ZBTB7C: variants seen among roughly 807,000 people sequenced by gnomAD.
ZBTB7C encodes the protein zinc finger and BTB domain-containing protein 7C.
ZBTB7C carries 8 observed loss-of-function variants against 25.7 expected under a neutral mutation model. The ratio of observed to expected loss-of-function variants is 0.31; its 90% CI spans 0.18 to 0.56. The LOEUF (loss-of-function observed/expected upper bound fraction) is 0.56. ZBTB7C is among the 20% of genes least tolerant of loss of function. The pLI, the probability that ZBTB7C is intolerant of heterozygous loss-of-function variation, is 0.91. For synonymous variants in ZBTB7C, 394 were observed against 369.0 expected, an observed-to-expected ratio of 1.07 and a Z score of -0.78; for missense variants, 824 against 855.2, an observed-to-expected ratio of 0.96 and a Z score of 0.46.
At chr18:48,378,789 A>G (rs1034790856) in intron 1 of ZBTB7C, among the ~76,000 whole-genome samples, 2 of 152,220 alleles carry the variant, frequency 1.3e-5, no homozygotes, top group Non-Finnish European at 2.9e-5. Context: ...GAATAGAAAC[A>G]AAAATTCTTG....
chr18:48,141,920 A>G (rs2040361564), intron 3 of ZBTB7C, among the ~76,000 whole-genome samples: 1 of 152,142 alleles, frequency 6.6e-6, no homozygotes, highest in Non-Finnish European at 1.5e-5. Context: ...TGGCTCTATC[A>G]CTTTCATCCA....
At chr18:48,107,597 G>T (rs13381464) in intron 3 of ZBTB7C, among the ~76,000 whole-genome samples, 25,232 of 152,052 alleles carry the variant, frequency 0.17, 2,351 homozygotes, top group Non-Finnish European at 0.21. Context: ...AGATAAGAAG[G>T]CTTGGATGGA....
chr18:48,139,204 G>A (rs569257105), intron 3 of ZBTB7C, among the ~76,000 whole-genome samples: 18 of 152,212 alleles, frequency 1.2e-4, no homozygotes, highest in African/African-American at 4.1e-4. Context: ...GGAGTCACTG[G>A]GGAAAGCCAG....
chr18:48,227,019 CA>C (rs1187830776), intron 2 of ZBTB7C, among the ~76,000 whole-genome samples: 12,895 of 56,068 alleles, frequency 0.23, 261 homozygotes, highest in African/African-American at 0.29. Flanking sequence ...GACTCCATCT[CA>C]AAAAAAAAAA....
intron 3 of ZBTB7C, among the ~76,000 whole-genome samples, chr18:48,055,008 T>C (rs1406513160): frequency 6.6e-6 from 1 of 152,132 alleles, no homozygotes; most frequent in African/African-American, 2.4e-5. Context: ...CTTCATGCTG[T>C]GTAAGTCTAT....
chr18:48,198,635 C>T (rs907027704), intron 2 of ZBTB7C, among the ~76,000 whole-genome samples: 39 of 152,146 alleles, frequency 2.6e-4, no homozygotes, highest in African/African-American at 9.4e-4. Context: ...TCCCTCTGAC[C>T]TCTCTTCCAT....
At chr18:48,324,035 G>A (rs1307173580) in intron 2 of ZBTB7C, among the ~76,000 whole-genome samples, 1 of 152,118 alleles carries the variant, frequency 6.6e-6, no homozygotes, top group African/African-American at 2.4e-5. Context: ...ATGTGAAGAC[G>A]GTACAGGAAG....
chr18:48,381,197 C>T (rs1057334928), intron 1 of ZBTB7C, among the ~76,000 whole-genome samples: 1 of 151,866 alleles, frequency 6.6e-6, no homozygotes, highest in Non-Finnish European at 1.5e-5. Context: ...GAGGGATAAC[C>T]AAGAAAGAAG....
intron 3 of ZBTB7C, among the ~76,000 whole-genome samples, chr18:48,184,814 G>C (rs2042015886): frequency 1.4e-5 from 1 of 72,526 alleles, no homozygotes; most frequent in Non-Finnish European, 2.7e-5. Flanking sequence ...GCTGTGTGGA[G>C]AATTTTCTCT....
intron 3 of ZBTB7C, among the ~76,000 whole-genome samples, chr18:48,052,595 G>A (rs983023148): frequency 2.6e-5 from 4 of 152,118 alleles, no homozygotes; most frequent in African/African-American, 4.8e-5. Flanking sequence ...CCAGGTGAGG[G>A]GGCCATAGTT....
intron 1 of ZBTB7C, among the ~76,000 whole-genome samples, chr18:48,357,103 T>C (rs1057015245): frequency 2.0e-5 from 3 of 152,210 alleles, no homozygotes; most frequent in Admixed American, 2.0e-4. Context: ...CATGAGCATA[T>C]GTGCTAAGAT....
intron 3 of ZBTB7C, among the ~76,000 whole-genome samples, chr18:48,042,535 G>A (rs1357894570): frequency 6.6e-6 from 1 of 152,224 alleles, no homozygotes; most frequent in African/African-American, 2.4e-5. Context: ...TCCTGGGAAG[G>A]CAGAGGCAGG....
chr18:48,041,452 C>T, intron 3 of ZBTB7C: 1 of 985,424 alleles, frequency 1.0e-6, no homozygotes, highest in Non-Finnish European at 1.2e-6. Context: ...AATACAACTG[C>T]AGGATGAAAA....
chr18:48,115,648 C>T (rs572520964), intron 3 of ZBTB7C, among the ~76,000 whole-genome samples: 11 of 152,254 alleles, frequency 7.2e-5, no homozygotes, highest in African/African-American at 2.4e-4. Context: ...TTTTGGCTAT[C>T]GGGAATAATG....
chr18:48,270,655 A>G (rs2044456093), intron 2 of ZBTB7C, among the ~76,000 whole-genome samples: 1 of 147,020 alleles, frequency 6.8e-6, no homozygotes, highest in African/African-American at 2.5e-5. Context: ...GCACCACTGC[A>G]CTCCAGCCTG....
At chr18:48,195,882 C>T (rs1172658502) in intron 2 of ZBTB7C, among the ~76,000 whole-genome samples, 3 of 151,502 alleles carry the variant, frequency 2.0e-5, no homozygotes, top group African/African-American at 7.3e-5. Context: ...TTTTTTTTTG[C>T]AACAGTATTT....
chr18:48,160,469 G>T (rs1293367442), intron 3 of ZBTB7C, among the ~76,000 whole-genome samples: 1 of 152,172 alleles, frequency 6.6e-6, no homozygotes, highest in Admixed American at 6.5e-5. Context: ...CTAGTAGTAT[G>T]ATCTTGGGCA....
chr18:48,037,878 T>A (rs1223583593), intron 4 of ZBTB7C, among the ~76,000 whole-genome samples: 3 of 152,194 alleles, frequency 2.0e-5, no homozygotes, highest in Non-Finnish European at 4.4e-5. Context: ...CTGGCATCCT[T>A]AAAGTCATAT....
chr18:48,073,884 T>G lies in ZBTB7C; in HGVS notation c.-16-32761A>C, dbSNP rs1287623165. On this transcript the variant is annotated intron_variant, in intron 3 of 4. Transcript: ENST00000590800. Reference sequence around the variant, plus strand: ...CTCCCTTTTCTCTCCTCACTCTGATTTGTCTCCTGTAGACCCCCAAAGAAA... The same window carrying G: ...CTCCCTTTTCTCTCCTCACTCTGATGTGTCTCCTGTAGACCCCCAAAGAAA... 2.0e-5 allele frequency among the ~76,000 whole-genome samples: 3 copies of G among 152,206 alleles called. No homozygotes were observed. In the East Asian group the frequency reaches 5.8e-4, roughly 29 times the overall value.
Sources: allele counts gnomAD v4.1 joint callset (sites outside exome capture counted in the v4.1 genomes callset), GRCh38; gene constraint gnomAD v4.1.1; transcripts MANE v1.5; gene names NCBI Gene and HGNC (gene_info 2026-07-23, HGNC 2026-07-21).